APIP: variants seen among roughly 807,000 people sequenced by gnomAD.
APIP encodes the protein APAF1 interacting protein, also known as methylthioribulose-1-phosphate dehydratase.
APIP carries 32 observed loss-of-function variants against 32.0 expected under a neutral mutation model. That is an observed-to-expected ratio of 1.00 (90% CI 0.76 to 1.34). The LOEUF (loss-of-function observed/expected upper bound fraction) is 1.34. Among genes scored for constraint, APIP ranks in the 40% most tolerant of loss-of-function variants. The pLI is 0.00. For synonymous variants in APIP, 92 were observed against 94.8 expected (o/e 0.97, Z 0.17); for missense variants, 247 against 298.6 (o/e 0.83, Z 1.27).
intron 1 of APIP, among the ~76,000 whole-genome samples, chr11:34,913,354 G>A (rs1395340896): frequency 3.3e-5 from 5 of 152,130 alleles, no homozygotes; most frequent in Admixed American, 6.5e-5. Context: ...GGACCCTTGC[G>A]GTGAGTGTTA....
At chr11:34,898,204 G>C (rs1853310029) in intron 1 of APIP, among the ~76,000 whole-genome samples, 2 of 152,032 alleles carry the variant, frequency 1.3e-5, no homozygotes, top group South Asian at 4.1e-4. Context: ...ATCATTCTGA[G>C]GGGCTCTTGG....
rs545009828 is a variant in APIP at position 34,916,079 on chromosome 11, G to A, written c.57+149C>T. 25 of 1,040,972 alleles carry A rather than the reference G, an allele frequency of 2.4e-5. 1 individual carries two copies. In the South Asian group the frequency reaches 3.3e-4, roughly 14 times the overall value. 64.5% of individuals were successfully genotyped at this position (1,040,972 alleles called of 1,614,324 possible). A position where few individuals can be genotyped will look rare whatever the true frequency, so the allele number is the denominator to read the frequency against. On this transcript the variant is annotated intron_variant, in intron 1 of 6. Coordinates refer to ENST00000395787, the MANE Select transcript of APIP (RefSeq NM_015957.4). ...AGCCTTGCTTCCGAACGCCAAGGTC[G>A]CGGTGCGCCGGGGTAGCGAACGGCC... is the stretch of plus-strand genomic sequence containing the variant.
At chr11:34,894,324 A>T (rs2986426) in intron 2 of APIP, among the ~76,000 whole-genome samples, 2 of 151,972 alleles carry the variant, frequency 1.3e-5, no homozygotes, top group South Asian at 4.2e-4. Context: ...GATTCAATAA[A>T]AAATAATTAT....
At chr11:34,890,477 T>C (rs371369133) in intron 3 of APIP, 27 bp downstream of exon 3, 3 of 1,587,262 alleles carry the variant, frequency 1.9e-6, no homozygotes, top group Non-Finnish European at 2.6e-6. Flanking sequence ...GAAAAGACAC[T>C]GAGGTTAAAG....
chr11:34,899,860 A>T (rs1240140096), intron 1 of APIP, among the ~76,000 whole-genome samples: 2 of 152,382 alleles, frequency 1.3e-5, no homozygotes, highest in East Asian at 3.9e-4. Flanking sequence ...ACCCTGGGTC[A>T]TATACAGAAA....
chr11:34,895,451 C>A (rs1178737267), intron 1 of APIP, among the ~76,000 whole-genome samples: 1 of 152,144 alleles, frequency 6.6e-6, no homozygotes, highest in Non-Finnish European at 1.5e-5. Context: ...AAGGAACAGT[C>A]TCTCCAGAAG....
chr11:34,911,418 A>G (rs1853549080), intron 1 of APIP, among the ~76,000 whole-genome samples: 1 of 152,174 alleles, frequency 6.6e-6, no homozygotes, highest in Admixed American at 6.5e-5. Context: ...TGGTATAGCT[A>G]TACCTACCAC....
At chr11:34,909,777 G>A (rs1481488541) in intron 1 of APIP, among the ~76,000 whole-genome samples, 1 of 152,158 alleles carries the variant, frequency 6.6e-6, no homozygotes, top group Non-Finnish European at 1.5e-5. Flanking sequence ...AGGAGACACG[G>A]GGAGAAGGAG....
rs1302982718 is a variant in APIP, at chr11:34,907,202, C to A, written c.57+9026G>T. On this transcript the variant is annotated intron_variant, in intron 1 of 6. Coordinates refer to ENST00000395787, the MANE Select transcript of APIP (RefSeq NM_015957.4). ...TTTCTTATATCCGTCCTTAAGAAAT[C>A]TAGCCCAAATTACCTATGCCTGTAT... Among the ~76,000 whole-genome samples, 4 of 152,312 alleles carry A rather than the reference C, an allele frequency of 2.6e-5. No homozygotes were observed. The South Asian group carries it at 8.3e-4, about 32-fold the overall frequency.
chr11:34,893,826 T>C (rs1853219812), intron 2 of APIP, among the ~76,000 whole-genome samples: 1 of 152,246 alleles, frequency 6.6e-6, no homozygotes, highest in Non-Finnish European at 1.5e-5. Flanking sequence ...TTGTTCCCAA[T>C]GTTCTGATTA....
chr11:34,901,837 A>G (rs924551975), intron 1 of APIP, among the ~76,000 whole-genome samples: 3 of 152,222 alleles, frequency 2.0e-5, no homozygotes, highest in Non-Finnish European at 4.4e-5. Context: ...AGGCCAGTCC[A>G]GATCTATCTT....
intron 1 of APIP, among the ~76,000 whole-genome samples, chr11:34,913,564 C>T (rs7104705): frequency 0.19 from 28,688 of 151,934 alleles, 3,832 homozygotes; most frequent in African/African-American, 0.39. Flanking sequence ...GGAATGAAGC[C>T]GCAGACCTTC....
chr11:34,902,733 G>T (rs954656632), intron 1 of APIP, among the ~76,000 whole-genome samples: 2 of 152,206 alleles, frequency 1.3e-5, no homozygotes, highest in Non-Finnish European at 2.9e-5. Context: ...ACCAGCTAAA[G>T]CAAGCCTTGC....
chr11:34,890,379 T>A, intron 3 of APIP, 125 bp downstream of exon 3: 1 of 846,776 alleles, frequency 1.2e-6, no homozygotes, highest in African/African-American at 1.7e-5. Flanking sequence ...ACTCAATAAA[T>A]GTTTGCTGAT....
At position 34,916,350 on chromosome 11, in the gene APIP, G is replaced by C. The variant is rs762615901; in HGVS notation, c.-66C>G. On this transcript the variant is annotated 5_prime_UTR_variant, in exon 1 of 7. Coordinates refer to ENST00000395787, the MANE Select transcript of APIP (RefSeq NM_015957.4). The stretch of plus-strand genomic sequence containing the variant: ...GGCTTTGCGCGCGGCGCTTAGCCTG[G>C]GATACGGCAGCGAGGCCGCAAATGC... 6.3e-7 allele frequency: 1 copy of C among 1,590,592 alleles called. No homozygotes were observed. The highest frequency in any genetic ancestry group is 8.6e-7 in the Non-Finnish European group (1 of 1,168,818).
intron 1 of APIP, among the ~76,000 whole-genome samples, chr11:34,913,812 A>G (rs540649356): frequency 8.5e-5 from 13 of 152,330 alleles, no homozygotes; most frequent in Admixed American, 5.9e-4. Context: ...AGCTAGACAC[A>G]GAGCGCCGAT....
At chr11:34,904,700 TC>T (rs1339665887) in intron 1 of APIP, among the ~76,000 whole-genome samples, 1 of 152,088 alleles carries the variant, frequency 6.6e-6, no homozygotes, top group Non-Finnish European at 1.5e-5. Flanking sequence ...CTTCTCTCTC[TC>T]CCTCCCTAAG....
chr11:34,895,321 G>A (rs1326943), intron 1 of APIP, among the ~76,000 whole-genome samples: 91,359 of 151,986 alleles, frequency 0.6, 28,495 homozygotes, highest in East Asian at 0.74. Context: ...GGGAGTATTC[G>A]GTATAGGGCC....
chr11:34,905,776 A>G (rs1247535237), intron 1 of APIP, among the ~76,000 whole-genome samples: 1 of 152,130 alleles, frequency 6.6e-6, no homozygotes, highest in Non-Finnish European at 1.5e-5. Context: ...CACCTTGACT[A>G]TATTGTAAAG....
Sources: gnomAD v4.1 joint callset for allele counts (sites outside exome capture counted in the v4.1 genomes callset) on GRCh38, gnomAD v4.1.1 for gene constraint, MANE v1.5 for transcripts, NCBI Gene and HGNC (gene_info 2026-07-23, HGNC 2026-07-21) for gene names.